C10orf90: variants seen among roughly 807,000 people sequenced by gnomAD.
C10orf90 encodes the protein chromosome 10 open reading frame 90.
In C10orf90, 56 loss-of-function variants were observed where a neutral mutation model predicts 62.5. The observed-to-expected ratio is 0.90, with a 90% CI of 0.72 to 1.12. The LOEUF is 1.12. Ranked by LOEUF, C10orf90 falls within the 50% of genes most tolerant of loss-of-function variation. The pLI is 0.00. For missense variants in C10orf90, 970 were observed against 880.4 expected (o/e 1.10, Z -1.29); for synonymous variants, 386 against 340.4 (o/e 1.13, Z -1.47).
intron 4 of C10orf90, among the ~76,000 whole-genome samples, chr10:126,489,056 AT>A (rs1259508031): frequency 6.6e-6 from 1 of 152,244 alleles, no homozygotes; most frequent in East Asian, 1.9e-4. Context: ...TGATACCAAA[AT>A]CAAAAATATT....
At chr10:126,467,781 CTGCCCAACAGT>C (rs1408038663) in intron 4 of C10orf90, among the ~76,000 whole-genome samples, 1 of 152,190 alleles carries the variant, frequency 6.6e-6, no homozygotes, top group African/African-American at 2.4e-5. Flanking sequence ...CCAAAATATT[CTGCCCAACAGT>C]TGTAAATTCC....
intron 2 of C10orf90, among the ~76,000 whole-genome samples, chr10:126,539,946 G>T (rs1864335393): frequency 6.6e-6 from 1 of 152,186 alleles, no homozygotes; most frequent in Non-Finnish European, 1.5e-5. Flanking sequence ...ACTATTTCAG[G>T]TGATATAATT....
chr10:126,524,972 G>A (rs1863891516), intron 2 of C10orf90: 2 of 621,752 alleles, frequency 3.2e-6, no homozygotes, highest in African/African-American at 4.0e-5. Context: ...GATTTCAGAG[G>A]GGACCATTTC....
At chr10:126,662,683 C>G (rs1266162399) in intron 1 of C10orf90, among the ~76,000 whole-genome samples, 1 of 152,240 alleles carries the variant, frequency 6.6e-6, no homozygotes, top group East Asian at 1.9e-4. Context: ...AAACCTCCCA[C>G]TCTTCCATAA....
At chr10:126,578,219 A>G (rs1054986431) in intron 2 of C10orf90, among the ~76,000 whole-genome samples, 10 of 152,240 alleles carry the variant, frequency 6.6e-5, no homozygotes, top group African/African-American at 2.4e-4. Context: ...AAAGGAAAAG[A>G]TATTTATAGT....
Position 126,524,680 on chromosome 10 carries a change from T to A in C10orf90, c.314-10741A>T, listed in dbSNP as rs41307581. 3,815 of 986,210 alleles carry A rather than the reference T, an allele frequency of 3.9e-3. 12 individuals are homozygous for A. The highest frequency in any genetic ancestry group is 4.7e-3 in the Admixed American group (77 of 16,304). 61.1% of individuals were successfully genotyped at this position (986,210 alleles called of 1,614,324 possible). ...GATCCCACCTGGCCACTCAGCCATG[T>A]CAGCTCCTCCTCTGGGCTCATCTTC... On this transcript the variant is annotated intron_variant, in intron 2 of 9. Coordinates refer to ENST00000488181, the MANE Select transcript of C10orf90 (RefSeq NM_001350921.2).
chr10:126,576,582 G>A (rs937500013), intron 2 of C10orf90, among the ~76,000 whole-genome samples: 5 of 151,096 alleles, frequency 3.3e-5, no homozygotes, highest in Non-Finnish European at 7.4e-5. Context: ...TTTATCCAAA[G>A]GAAAGGAAAA....
chr10:126,473,872 A>C (rs1271512250), intron 4 of C10orf90, among the ~76,000 whole-genome samples: 5 of 152,086 alleles, frequency 3.3e-5, no homozygotes, highest in African/African-American at 1.2e-4. Flanking sequence ...AGCCCCAGAA[A>C]TGTTCATTTC....
intron 2 of C10orf90, among the ~76,000 whole-genome samples, chr10:126,543,889 G>C (rs1864430845): frequency 6.6e-6 from 1 of 152,144 alleles, no homozygotes; most frequent in African/African-American, 2.4e-5. Context: ...GCTGACTCGA[G>C]CTTCAAGGCT....
intron 7 of C10orf90, among the ~76,000 whole-genome samples, chr10:126,451,730 C>T (rs937605813): frequency 1.2e-4 from 18 of 151,696 alleles, no homozygotes; most frequent in African/African-American, 2.4e-4. Flanking sequence ...ACACATGCAA[C>T]GGAATACTAT....
intron 1 of C10orf90, among the ~76,000 whole-genome samples, chr10:126,648,780 GCTT>G (rs1846220823): frequency 6.6e-6 from 1 of 151,806 alleles, no homozygotes; most frequent in South Asian, 2.1e-4. Context: ...GAAATTTTAA[GCTT>G]CTTCTCTCCT....
intron 4 of C10orf90, among the ~76,000 whole-genome samples, chr10:126,470,705 G>A (rs566586490): frequency 2.7e-5 from 4 of 150,668 alleles, no homozygotes; most frequent in Non-Finnish European, 2.9e-5. Context: ...AGCCATGATG[G>A]CACCACTTCA....
At chr10:126,529,989 T>TA (rs1473921287) in intron 2 of C10orf90, among the ~76,000 whole-genome samples, 1 of 152,236 alleles carries the variant, frequency 6.6e-6, no homozygotes, top group Non-Finnish European at 1.5e-5. Context: ...TATTGAAATG[T>TA]AAAAAAATGG....
chr10:126,476,908 CTTTTTTTTTTT>C (rs10590718), intron 4 of C10orf90, among the ~76,000 whole-genome samples: 3 of 120,772 alleles, frequency 2.5e-5, no homozygotes, highest in Non-Finnish European at 3.3e-5. Context: ...CACCATTTTC[CTTTTTTTTTTT>C]TTTTTTTTGA....
chr10:126,530,594 C>T (rs1398314960), intron 2 of C10orf90, among the ~76,000 whole-genome samples: 1 of 151,708 alleles, frequency 6.6e-6, no homozygotes, highest in African/African-American at 2.4e-5. Context: ...AAAAATCGTC[C>T]CATAAAGAAC....
intron 2 of C10orf90, among the ~76,000 whole-genome samples, chr10:126,521,722 A>G (rs958143661): frequency 6.6e-6 from 1 of 152,242 alleles, no homozygotes; most frequent in Admixed American, 6.5e-5. Context: ...ATTTTTTTAC[A>G]AATGGTTTAT....
intron 1 of C10orf90, among the ~76,000 whole-genome samples, chr10:126,649,979 G>C (rs10794097): frequency 0.4 from 60,292 of 150,828 alleles, 13,123 homozygotes; most frequent in Non-Finnish European, 0.48. Context: ...TTGGGAGGGA[G>C]TGGGGAGGGA....
intron 6 of C10orf90, among the ~76,000 whole-genome samples, 176 bp from the exon 7 acceptor site, chr10:126,459,393 A>G (rs892647667): frequency 6.6e-6 from 1 of 152,252 alleles, no homozygotes; most frequent in African/African-American, 2.4e-5. Context: ...GGTAACAGGC[A>G]TGTTGACAAC....
intron 1 of C10orf90, among the ~76,000 whole-genome samples, chr10:126,668,611 G>C (rs1390609831): frequency 6.6e-6 from 1 of 152,210 alleles, no homozygotes; most frequent in African/African-American, 2.4e-5. Context: ...AGTTCAGAGG[G>C]ACAGGGGGTG....
Sources: allele counts gnomAD v4.1 joint callset (sites outside exome capture counted in the v4.1 genomes callset), GRCh38; gene constraint gnomAD v4.1.1; transcripts MANE v1.5; gene names NCBI Gene and HGNC (gene_info 2026-07-23, HGNC 2026-07-21).